The following WDR43 variants were observed in gnomAD, a reference collection of about 807,000 sequenced individuals.
WDR43 encodes WD repeat domain 43.
Under a neutral mutation model 91.4 loss-of-function variants are expected in WDR43, and 13 were observed. The observed-to-expected ratio is 0.14, with a 90% CI of 0.09 to 0.23. WDR43 has a LOEUF of 0.23. Ranked by LOEUF, WDR43 falls within the 10% of genes least tolerant of loss-of-function variation. The probability of loss-of-function intolerance (pLI) is 1.00; values close to 1 mark genes in which losing one functional copy is unlikely to be tolerated. For synonymous variants in WDR43, 331 were observed against 287.9 expected, an observed-to-expected ratio of 1.15 and a Z score of -1.51; for missense variants, 780 against 809.4, an observed-to-expected ratio of 0.96 and a Z score of 0.44.
In WDR43 at chr2:28,947,553, T is replaced by A. The variant is rs912912282; in HGVS notation, c.*774T>A. 5.3e-5 allele frequency: 8 copies of A among 152,196 alleles called. No homozygotes were observed. Among genetic ancestry groups the A allele is most frequent in the South Asian group, 4.1e-4 (2 of 4,826 alleles). The allele number at this position is 152,196 out of a possible 1,614,324, so 9.4% of individuals were successfully genotyped here. A position where few individuals can be genotyped will look rare whatever the true frequency, so the allele number is the denominator to read the frequency against. On this transcript the variant is annotated 3_prime_UTR_variant, in exon 18 of 18. Coordinates refer to ENST00000407426, the MANE Select transcript of WDR43 (RefSeq NM_015131.3). ...AGAAGTGCTCATTACCTGCAACTTT[T>A]AAAAAAAATTCAGTTATAGCTGCTT... is the stretch of plus-strand genomic sequence containing the variant.
At chr2:28,922,841 C>A in intron 6 of WDR43, 78 bp from the exon 7 acceptor site, 5 of 897,474 alleles carry the variant, frequency 5.6e-6, no homozygotes, top group South Asian at 4.9e-5. Context: ...GTGGGAAGGA[C>A]AGCTGAGTTT....
At chr2:28,896,947 C>T (rs1284668040) in intron 1 of WDR43, among the ~76,000 whole-genome samples, 1 of 152,118 alleles carries the variant, frequency 6.6e-6, no homozygotes, top group Non-Finnish European at 1.5e-5. Flanking sequence ...ATGGAATCCC[C>T]TGAAATTAAT....
chr2:28,927,893 T>C (rs541795248), intron 10 of WDR43, 193 bp downstream of exon 10: 303 of 836,730 alleles, frequency 3.6e-4, no homozygotes, highest in Non-Finnish European at 4.4e-4. Context: ...ACAGAGAAGA[T>C]GGAACCTTCA....
chr2:28,929,811 C>A, intron 11 of WDR43, 101 bp downstream of exon 11: 1 of 1,243,606 alleles, frequency 8.0e-7, no homozygotes, highest in Non-Finnish European at 1.1e-6. Flanking sequence ...TGTTACAGAG[C>A]CATTTGGAAT....
In WDR43 at chr2:28,903,322, G is replaced by A. The variant is rs183048369; in HGVS notation, c.363+1198G>A. ...TCACAGAATTACTAACCTAAAATTA[G>A]TGAGCCAAAGGGTTGCTATATATGT... On this transcript the variant is annotated intron_variant, in intron 2 of 17. Transcript: ENST00000407426. Among the ~76,000 whole-genome samples the A allele has an allele frequency of 2.3e-3, 356 of 152,178 alleles. 2 individuals carry two copies. The highest frequency in any genetic ancestry group is 8.0e-3 in the African/African-American group (332 of 41,498).
intron 6 of WDR43, among the ~76,000 whole-genome samples, chr2:28,920,446 T>C (rs1671002671): frequency 6.6e-6 from 1 of 151,834 alleles, no homozygotes; most frequent in African/African-American, 2.4e-5. Flanking sequence ...AAGGCTGGTC[T>C]TGAACTCCTG....
intron 16 of WDR43, among the ~76,000 whole-genome samples, chr2:28,942,619 C>T (rs201177052): frequency 1.5e-4 from 21 of 139,542 alleles, no homozygotes; most frequent in Middle Eastern, 3.7e-3. Context: ...TTTTTCTTTT[C>T]TTTTTTTTTT....
At chr2:28,935,491 C>A in intron 11 of WDR43, 30 bp from the exon 12 acceptor site, 1 of 1,472,898 alleles carries the variant, frequency 6.8e-7, no homozygotes, top group Non-Finnish European at 9.3e-7. Context: ...TCAGTATGCT[C>A]ATCTTAATAA....
chr2:28,933,199 AAT>A (rs1362063809), intron 11 of WDR43, among the ~76,000 whole-genome samples: 6 of 152,210 alleles, frequency 3.9e-5, no homozygotes, highest in Non-Finnish European at 7.4e-5. Context: ...GAAATGGTAA[AAT>A]AAAGAGCAAG....
intron 2 of WDR43, among the ~76,000 whole-genome samples, chr2:28,904,825 G>C (rs984846842): frequency 6.6e-6 from 1 of 152,202 alleles, no homozygotes; most frequent in Non-Finnish European, 1.5e-5. Flanking sequence ...GTAATTTTGA[G>C]TAATCACTTT....
intron 14 of WDR43, 140 bp downstream of exon 14, chr2:28,938,134 G>A: frequency 1.1e-6 from 1 of 885,574 alleles, no homozygotes; most frequent in South Asian, 1.8e-5. Flanking sequence ...TAGAGATTTT[G>A]TTTTACCCCG....
chr2:28,900,502 A>G (rs1670559055), intron 1 of WDR43, among the ~76,000 whole-genome samples: 1 of 152,136 alleles, frequency 6.6e-6, no homozygotes, highest in Admixed American at 6.5e-5. Flanking sequence ...CTTTTTAAAA[A>G]GATGAATCTT....
At chr2:28,921,802 C>G (rs191696804) in intron 6 of WDR43, among the ~76,000 whole-genome samples, 3 of 152,174 alleles carry the variant, frequency 2.0e-5, no homozygotes, top group Non-Finnish European at 2.9e-5. Flanking sequence ...GCCTTGACCT[C>G]CCTGGGCTCA....
intron 3 of WDR43, among the ~76,000 whole-genome samples, chr2:28,907,125 G>A (rs1472502825): frequency 3.3e-5 from 5 of 152,178 alleles, no homozygotes; most frequent in African/African-American, 1.2e-4. Flanking sequence ...ATTGATTATA[G>A]TTCAACCACC....
At position 28,941,446 on chromosome 2, in the gene WDR43, C is replaced by A. The variant is rs770268090; in HGVS notation, c.1621-15C>A. 1.3e-6 allele frequency: 2 copies of A among 1,594,778 alleles called. No homozygotes were observed. The highest frequency in any genetic ancestry group is 1.1e-5 in the South Asian group (1 of 89,228). On this transcript the variant is annotated splice_polypyrimidine_tract_variant and intron_variant, in intron 14 of 17. Coordinates refer to ENST00000407426, the MANE Select transcript of WDR43 (RefSeq NM_015131.3). ...TAATACGTTAATAGTGCCAAATGAT[C>A]ATTTTTTTCTCTAGTTGCCTGACCT...
At chr2:28,938,679 C>T (rs1016506719) in intron 14 of WDR43, among the ~76,000 whole-genome samples, 1 of 152,190 alleles carries the variant, frequency 6.6e-6, no homozygotes, top group Admixed American at 6.5e-5. Flanking sequence ...AACACAGTCT[C>T]ACCCAACTCC....
chr2:28,908,905 C>T (rs1239622382), intron 3 of WDR43, among the ~76,000 whole-genome samples: 1 of 152,146 alleles, frequency 6.6e-6, no homozygotes, highest in African/African-American at 2.4e-5. Context: ...ATTGTTACAG[C>T]TGAGCCTTAG....
intron 14 of WDR43, among the ~76,000 whole-genome samples, chr2:28,938,403 A>G (rs1671373720): frequency 6.6e-6 from 1 of 152,110 alleles, no homozygotes; most frequent in African/African-American, 2.4e-5. Context: ...AGTAACATAA[A>G]TATTTGCTAC....
At chr2:28,913,820 G>C (rs1037392240) in intron 4 of WDR43, 1 of 672,228 alleles carries the variant, frequency 1.5e-6, no homozygotes, top group Non-Finnish European at 2.8e-6. Context: ...ACAAAGGTGC[G>C]GAGTGGTAGG....
Sources: gnomAD v4.1 joint callset for allele counts (sites outside exome capture counted in the v4.1 genomes callset) on GRCh38, gnomAD v4.1.1 for gene constraint, MANE v1.5 for transcripts, NCBI Gene and HGNC (gene_info 2026-07-23, HGNC 2026-07-21) for gene names.